Variants in KIAA0753 observed in about 807,000 individuals in gnomAD.
KIAA0753 encodes protein moonraker.
KIAA0753 carries 114 observed loss-of-function variants against 116.9 expected under a neutral mutation model. The observed-to-expected ratio is 0.98, with a 90% CI of 0.84 to 1.14. KIAA0753 has a LOEUF of 1.14. Ranked by LOEUF, KIAA0753 falls within the 50% of genes most tolerant of loss-of-function variation. KIAA0753 has a pLI of 0.00. For synonymous variants in KIAA0753, 405 were observed against 413.1 expected (o/e 0.98, Z 0.24); for missense variants, 1,156 against 1,172.4 (o/e 0.99, Z 0.20).
intron 7 of KIAA0753, among the ~76,000 whole-genome samples, chr17:6,614,279 G>A (rs1368971174): frequency 6.6e-6 from 1 of 152,108 alleles, no homozygotes; most frequent in African/African-American, 2.4e-5. Flanking sequence ...TCAGGCTAGA[G>A]GAACTCTCAC....
rs1400604304 is a variant in KIAA0753, at chr17:6,639,868, C to T, written c.-69+769G>A. 3 of 153,024 alleles carry T rather than the reference C, an allele frequency of 2.0e-5. No individual in the cohort carries two copies. The highest frequency in any genetic ancestry group is 4.8e-5 in the African/African-American group (2 of 41,434). 9.5% of individuals were successfully genotyped at this position (153,024 alleles called of 1,614,324 possible). ...CGGGCGACCTTTTCTCTCGCAGCCC[C>T]GGGGACTTCTATCTTCGGTCTCCTC... On this transcript the variant is annotated intron_variant, in intron 1 of 18. Coordinates refer to ENST00000361413, the MANE Select transcript of KIAA0753 (RefSeq NM_014804.3). This position sits in a 1 kb window ranked among gnomAD's most constrained non-coding sequence, Gnocchi z 4.3.
At position 6,579,297 on chromosome 17, in the gene KIAA0753, T is replaced by C. The variant is rs1967971706; in HGVS notation, c.*450A>G. The C allele has an allele frequency of 6.3e-6, 1 of 158,746 alleles. No homozygotes were observed. The highest frequency in any genetic ancestry group is 1.4e-5 in the Non-Finnish European group (1 of 71,962). The allele number at this position is 158,746 out of a possible 1,614,324, so 9.8% of individuals were successfully genotyped here. On this transcript the variant is annotated 3_prime_UTR_variant, in exon 19 of 19. Transcript: ENST00000361413. The stretch of plus-strand genomic sequence containing the variant: ...GGTCCTGACAGGAAATCGCCAAAGA[T>C]GCAAAACAGGGGCCCCGTGATGGGA...
At chr17:6,608,901 T>G (rs1970360095) in intron 9 of KIAA0753, among the ~76,000 whole-genome samples, 1 of 152,176 alleles carries the variant, frequency 6.6e-6, no homozygotes, top group African/African-American at 2.4e-5. Flanking sequence ...CATTGTATAT[T>G]TGGTTTGTAA....
At chr17:6,619,089 C>T (rs1321278057) in intron 7 of KIAA0753, among the ~76,000 whole-genome samples, 1 of 151,958 alleles carries the variant, frequency 6.6e-6, no homozygotes. Context: ...ATTAGCTGGG[C>T]GTGGTGGCAC....
chr17:6,615,323 C>G (rs116091607), intron 7 of KIAA0753, among the ~76,000 whole-genome samples: 1,993 of 152,172 alleles, frequency 0.013, 54 homozygotes, highest in African/African-American at 0.045. Flanking sequence ...GCAACTGTCT[C>G]GTATCAAACT....
chr17:6,605,028 A>C (rs1367364932), intron 12 of KIAA0753, among the ~76,000 whole-genome samples: 1 of 150,052 alleles, frequency 6.7e-6, no homozygotes, highest in Non-Finnish European at 1.5e-5. Flanking sequence ...CAGAAGGATC[A>C]CTTGAGCCCA....
intron 3 of KIAA0753, 151 bp from the exon 4 acceptor site, chr17:6,625,012 T>C (rs995289501): frequency 1.7e-6 from 1 of 599,944 alleles, no homozygotes; most frequent in Non-Finnish European, 2.9e-6. Flanking sequence ...AATTTCATTT[T>C]TCATCAGCCA....
At chr17:6,610,986 A>G (rs1970502691) in intron 8 of KIAA0753, among the ~76,000 whole-genome samples, 1 of 152,190 alleles carries the variant, frequency 6.6e-6, no homozygotes, top group Non-Finnish European at 1.5e-5. Flanking sequence ...TTATCTGTCA[A>G]TAACTTGGGA....
chr17:6,600,702 C>T (rs1969808359), intron 12 of KIAA0753, among the ~76,000 whole-genome samples: 2 of 152,076 alleles, frequency 1.3e-5, no homozygotes, highest in African/African-American at 4.8e-5. Flanking sequence ...GTTCCTAGGC[C>T]TTACTTTATG....
chr17:6,630,774 T>G (rs1281970005), intron 2 of KIAA0753, among the ~76,000 whole-genome samples: 1 of 152,224 alleles, frequency 6.6e-6, no homozygotes, highest in Non-Finnish European at 1.5e-5. Context: ...CTGTGACACT[T>G]CTATGAATTA....
chr17:6,588,000 A>G (rs990678074), intron 18 of KIAA0753, among the ~76,000 whole-genome samples: 1 of 152,182 alleles, frequency 6.6e-6, no homozygotes, highest in Non-Finnish European at 1.5e-5. Flanking sequence ...GATTTGTCCT[A>G]TAAAACATCG....
chr17:6,630,590 T>G (rs1971966117), intron 2 of KIAA0753, among the ~76,000 whole-genome samples: 1 of 152,188 alleles, frequency 6.6e-6, no homozygotes. Flanking sequence ...GAATTTACCC[T>G]GTAGACACAC....
intron 3 of KIAA0753, among the ~76,000 whole-genome samples, chr17:6,625,964 AGT>A (rs1325342159): frequency 6.6e-6 from 1 of 152,206 alleles, no homozygotes; most frequent in East Asian, 1.9e-4. Flanking sequence ...AGCCTCCAAA[AGT>A]GCTAGGATTA....
chr17:6,594,564 T>G lies in KIAA0753; in HGVS notation c.2440+408A>C, dbSNP rs1326502007. Among the ~76,000 whole-genome samples, 5 of 152,200 alleles carry G rather than the reference T, an allele frequency of 3.3e-5. No individual in the cohort carries two copies. The East Asian group carries it at 9.6e-4, about 29-fold the overall frequency. ...CCTACGTGGCGGGGCATGAGGGAAC[T>G]TTCTGAGGTGATATGTTCTATGTCT... On this transcript the variant is annotated intron_variant, in intron 16 of 18. Transcript: ENST00000361413.
At chr17:6,615,767 T>C (rs780051826) in intron 7 of KIAA0753, among the ~76,000 whole-genome samples, 8 of 152,172 alleles carry the variant, frequency 5.3e-5, no homozygotes, top group Non-Finnish European at 1.0e-4. Flanking sequence ...AGGAGTGAGT[T>C]TGAGGACACT....
At chr17:6,609,066 A>G (rs1449534234) in intron 9 of KIAA0753, among the ~76,000 whole-genome samples, 2 of 152,244 alleles carry the variant, frequency 1.3e-5, no homozygotes, top group East Asian at 3.8e-4. Context: ...TTACATGAAT[A>G]AGACATTAAA....
At chr17:6,599,873 G>A (rs1226536911) in intron 13 of KIAA0753, among the ~76,000 whole-genome samples, 1 of 152,044 alleles carries the variant, frequency 6.6e-6, no homozygotes, top group Admixed American at 6.5e-5. Flanking sequence ...TATTTACAGG[G>A]TGGAGCTACA....
intron 7 of KIAA0753, among the ~76,000 whole-genome samples, chr17:6,614,380 T>C (rs1343179938): frequency 2.0e-5 from 3 of 152,006 alleles, no homozygotes; most frequent in African/African-American, 4.8e-5. Context: ...AAAATGTCCA[T>C]CAATAAGAGC....
intron 8 of KIAA0753, among the ~76,000 whole-genome samples, chr17:6,610,562 C>T (rs1185289903): frequency 2.4e-5 from 3 of 125,796 alleles, no homozygotes; most frequent in South Asian, 5.0e-4. Flanking sequence ...GCTCTGTTGC[C>T]TAGGCTGGAG....
Sources: gnomAD v4.1 joint callset for allele counts (sites outside exome capture counted in the v4.1 genomes callset) on GRCh38, gnomAD v4.1.1 for gene constraint, Gnocchi (gnomAD v3.1) non-coding constraint, MANE v1.5 for transcripts, NCBI Gene and HGNC (gene_info 2026-07-23, HGNC 2026-07-21) for gene names.